Variants in SKAP2 observed in about 807,000 individuals in gnomAD.
The protein encoded by SKAP2 is src kinase-associated phosphoprotein 2.
SKAP2 carries 28 observed loss-of-function variants against 54.9 expected under a neutral mutation model. The observed-to-expected ratio is 0.51, with a 90% confidence interval of 0.38 to 0.70. The LOEUF (loss-of-function observed/expected upper bound fraction) is 0.70, where lower values mean the gene tolerates loss of function less well. Among genes scored for constraint, SKAP2 ranks in the 30% least tolerant of loss-of-function variants. The pLI, the probability that SKAP2 is intolerant of heterozygous loss-of-function variation, is 0.00. For synonymous variants in SKAP2, 137 were observed against 134.3 expected (o/e 1.02, Z -0.14); for missense variants, 356 against 424.1 (o/e 0.84, Z 1.41).
At chr7:26,822,073 T>G (rs758490136) in intron 4 of SKAP2, among the ~76,000 whole-genome samples, 2 of 152,206 alleles carry the variant, frequency 1.3e-5, no homozygotes, top group Non-Finnish European at 2.9e-5. Flanking sequence ...GGTGATAGCT[T>G]CATCCATTAT....
At chr7:26,854,268 G>T in intron 2 of SKAP2, 106 bp from the exon 3 acceptor site, 3 of 608,600 alleles carry the variant, frequency 4.9e-6, no homozygotes, top group Non-Finnish European at 8.3e-6. Flanking sequence ...TACACACCTA[G>T]ATATACATTA....
Position 26,864,506 on chromosome 7 carries a change from C to G in SKAP2, c.-77G>C. 1 of 1,521,044 alleles carries G rather than the reference C, an allele frequency of 6.6e-7. No homozygotes were observed. The highest frequency in any genetic ancestry group is 1.3e-5 in the South Asian group (1 of 78,322). The allele number at this position is 1,521,044 out of a possible 1,614,324, so 94.2% of individuals were successfully genotyped here. ...GACGGGGTGGGGCTGCGGCTGCGAC[C>G]TAGACTCAGGCTAGCGGCCCGGATT... On this transcript the variant is annotated 5_prime_UTR_variant, in exon 1 of 13. Transcript: ENST00000345317.
chr7:26,802,664 C>T (rs936755660), intron 4 of SKAP2, among the ~76,000 whole-genome samples: 12 of 151,956 alleles, frequency 7.9e-5, no homozygotes, highest in African/African-American at 1.4e-4. Flanking sequence ...AGGTGGATCA[C>T]GAGGTCAAGA....
the SKAP2 span, among the ~76,000 whole-genome samples, chr7:26,660,212 G>A: frequency 6.6e-6 from 1 of 151,916 alleles, no homozygotes; most frequent in Non-Finnish European, 1.5e-5. Flanking sequence ...CTCTGATATG[G>A]TTTTCATGTT....
intron 11 of SKAP2, among the ~76,000 whole-genome samples, chr7:26,678,849 C>G (rs1254903477): frequency 1.3e-5 from 2 of 152,106 alleles, no homozygotes; most frequent in Non-Finnish European, 2.9e-5. Context: ...TATCTCTAGT[C>G]TCTATGCCTA....
intron 3 of SKAP2, among the ~76,000 whole-genome samples, chr7:26,850,109 T>C (rs1365861909): frequency 6.6e-6 from 1 of 152,202 alleles, no homozygotes; most frequent in Non-Finnish European, 1.5e-5. Flanking sequence ...TAGTAACATA[T>C]TCTCATTGCA....
chr7:26,678,793 A>G lies in SKAP2; in HGVS notation c.987+5943T>C, dbSNP rs145009212. ...CTCAATGAACATCTGTCACTTATCT[A>G]TAATTTACTAAATATCGACTCTAAA... On this transcript the variant is annotated intron_variant, in intron 11 of 12. Transcript: ENST00000345317. Among the ~76,000 whole-genome samples, 253 of 152,218 alleles carry G rather than the reference A, an allele frequency of 1.7e-3. 1 individual carries two copies. Among genetic ancestry groups the G allele is most frequent in the African/African-American group, 5.9e-3 (244 of 41,534 alleles).
chr7:26,667,415 C>T lies in SKAP2; in HGVS notation c.*2251G>A, dbSNP rs1032348452. On this transcript the variant is annotated 3_prime_UTR_variant, in exon 13 of 13. Coordinates refer to ENST00000345317, the MANE Select transcript of SKAP2 (RefSeq NM_003930.5). ...TCCCTGGTTTGTATACAAATGATTT[C>T]ATCAAATGAATATAAAGCAGTCATG... The T allele has an allele frequency of 5.9e-5, 9 of 152,150 alleles. No individual in the cohort carries two copies. The highest frequency in any genetic ancestry group is 1.3e-4 in the Admixed American group (2 of 15,256). 9.4% of individuals were successfully genotyped at this position (152,150 alleles called of 1,614,324 possible).
At chr7:26,702,286 C>T (rs545150131) in intron 9 of SKAP2, among the ~76,000 whole-genome samples, 6 of 152,042 alleles carry the variant, frequency 3.9e-5, no homozygotes, top group Non-Finnish European at 7.4e-5. Context: ...AGACTGCAGG[C>T]GCACACTACT....
At chr7:26,829,918 GA>G (rs1177401836) in intron 4 of SKAP2, among the ~76,000 whole-genome samples, 1 of 151,958 alleles carries the variant, frequency 6.6e-6, no homozygotes, top group African/African-American at 2.4e-5. Context: ...CAAGAAAAAT[GA>G]AAAAATATAT....
chr7:26,823,550 C>G (rs1365161830), intron 4 of SKAP2, among the ~76,000 whole-genome samples: 1 of 152,036 alleles, frequency 6.6e-6, no homozygotes, highest in East Asian at 1.9e-4. Context: ...AAGCCTAACC[C>G]AGATCAAGGC....
intron 4 of SKAP2, among the ~76,000 whole-genome samples, chr7:26,798,154 C>T (rs1197970962): frequency 6.6e-6 from 1 of 151,568 alleles, no homozygotes; most frequent in Non-Finnish European, 1.5e-5. Context: ...CTCCCAAAGA[C>T]CAAGGATAAA....
chr7:26,662,923 A>T (rs1786040307), downstream of SKAP2, among the ~76,000 whole-genome samples: 1 of 152,062 alleles, frequency 6.6e-6, no homozygotes, highest in Non-Finnish European at 1.5e-5. Context: ...TAGCCTGAGG[A>T]GGAGGAGGAA....
chr7:26,748,934 T>A (rs1392313894), intron 4 of SKAP2, among the ~76,000 whole-genome samples: 1 of 152,278 alleles, frequency 6.6e-6, no homozygotes, highest in South Asian at 2.1e-4. Flanking sequence ...CATTAAGCTT[T>A]AGTTTTCAAA....
At chr7:26,831,455 G>A (rs951296965) in intron 4 of SKAP2, among the ~76,000 whole-genome samples, 8 of 152,070 alleles carry the variant, frequency 5.3e-5, no homozygotes, top group Admixed American at 1.3e-4. Context: ...TAAAACATAT[G>A]AGCTATATAG....
chr7:26,786,516 T>C (rs1783547919), intron 4 of SKAP2, among the ~76,000 whole-genome samples: 1 of 152,076 alleles, frequency 6.6e-6, no homozygotes, highest in African/African-American at 2.4e-5. Context: ...CTGAGGAATA[T>C]AAAAGTATCA....
intron 6 of SKAP2, among the ~76,000 whole-genome samples, chr7:26,730,450 T>C (rs142399559): frequency 1.1e-4 from 16 of 152,350 alleles, no homozygotes; most frequent in African/African-American, 3.4e-4. Context: ...ATCATTGTGA[T>C]GGAAAGCTTT....
At chr7:26,825,677 TAAG>T (rs1167446035) in intron 4 of SKAP2, among the ~76,000 whole-genome samples, 2 of 151,328 alleles carry the variant, frequency 1.3e-5, no homozygotes, top group East Asian at 3.9e-4. Context: ...TGAAAAATAA[TAAG>T]AATTTAAAAA....
chr7:26,696,972 T>C (rs1467789389), intron 9 of SKAP2, among the ~76,000 whole-genome samples: 1 of 152,114 alleles, frequency 6.6e-6, no homozygotes, highest in Non-Finnish European at 1.5e-5. Flanking sequence ...AAATAATTTT[T>C]CACATAGACA....
Sources: gnomAD v4.1 joint callset for allele counts (sites outside exome capture counted in the v4.1 genomes callset) on GRCh38, gnomAD v4.1.1 for gene constraint, MANE v1.5 for transcripts, NCBI Gene and HGNC (gene_info 2026-07-23, HGNC 2026-07-21) for gene names.